KMT2A: variants seen among roughly 807,000 people sequenced by gnomAD.
KMT2A encodes lysine methyltransferase 2A.
In KMT2A, 16 loss-of-function variants were observed where a neutral mutation model predicts 345.3. That is an observed-to-expected ratio of 0.05 (90% CI 0.03 to 0.07). The LOEUF is 0.07. Among genes scored for constraint, KMT2A ranks in the 10% least tolerant of loss-of-function variants. KMT2A has a pLI of 1.00. For synonymous variants in KMT2A, 1,599 were observed against 1,778.6 expected, an observed-to-expected ratio of 0.90 and a Z score of 2.54; for missense variants, 3,272 against 4,841.6, an observed-to-expected ratio of 0.68 and a Z score of 9.62.
intron 10 of KMT2A, 25 bp from the exon 11 acceptor site, chr11:118,488,589 C>G (rs372992626): frequency 5.6e-6 from 9 of 1,611,806 alleles, no homozygotes; most frequent in Middle Eastern, 1.7e-4. Context: ...TGACATACTT[C>G]TATCTTCCCA....
At position 118,472,202 on chromosome 11, in the gene KMT2A, T is replaced by A. The variant is rs2134259789; in HGVS notation, c.1043T>A (p.Val348Asp). Residue 348 changes from valine (V) to aspartate (D), a missense_variant, in exon 3 of 36, where the codon GTC becomes GAC. Val to Asp is a radical substitution (Grantham distance 152). Around this residue, in one of 27 missense-constraint regions of KMT2A, gnomAD observed 412 missense variants for 511.0 expected, o/e 0.81. Coordinates refer to ENST00000534358, the MANE Select transcript of KMT2A (RefSeq NM_001197104.2). Reference sequence around the variant, plus strand: ...CTTACAAAAGAAGATAAGACAGTTGTCAGACAAAGCCCTCGAAGGATTAAG... The same window carrying A: ...CTTACAAAAGAAGATAAGACAGTTGACAGACAAAGCCCTCGAAGGATTAAG... ...PPLTKEDKTV[V>D]RQSPRRIKPV... is the part of the protein sequence containing the mutation. The A allele has an allele frequency of 6.2e-7, 1 of 1,613,790 alleles. No individual in the cohort carries two copies.
intron 11 of KMT2A, 90 bp downstream of exon 11, chr11:118,488,850 C>T (rs1950276835): frequency 7.9e-7 from 1 of 1,264,378 alleles, no homozygotes; most frequent in Non-Finnish European, 1.1e-6. Context: ...TTGAATGTAT[C>T]TGGGAAAAAA....
Position 118,495,817 on chromosome 11 carries a change from T to G in KMT2A, c.5481T>G (p.Ile1827Met). 6.2e-7 allele frequency: 1 copy of G among 1,614,092 alleles called. No homozygotes were observed. The highest frequency in any genetic ancestry group is 8.5e-7 in the Non-Finnish European group (1 of 1,180,018). Residue 1827 changes from isoleucine to methionine, a missense_variant, in exon 19 of 36, where the codon ATT becomes ATG. Physicochemically the swap from Ile to Met is conservative, Grantham distance 10. Transcript: ENST00000534358. This position sits in a 1 kb window ranked among gnomAD's most constrained non-coding sequence, Gnocchi z 4.1. Reference sequence around the variant, plus strand: ...AGCCTCCTTTAATGAAGAAAATCATTCCAGCTCCCAAACCCAAAGGTCCTG... The same window carrying G: ...AGCCTCCTTTAATGAAGAAAATCATGCCAGCTCCCAAACCCAAAGGTCCTG... Reference protein sequence around the residue: ...TEQPPLMKKIIPAPKPKGPGE... With the variant: ...TEQPPLMKKIMPAPKPKGPGE...
chr11:118,491,964 CT>C lies in KMT2A; in HGVS notation c.5004+38del. On this transcript the variant is annotated intron_variant, in intron 15 of 35. Transcript: ENST00000534358. This position sits in a 1 kb window ranked among gnomAD's most constrained non-coding sequence, Gnocchi z 4.2. ...TCTCATTTTTTTCTGAGAGCTTGTT[CT>C]TAGGTAGTCTTTACCTAGTGTTTTT... is the stretch of plus-strand genomic sequence containing the variant. 6.9e-7 allele frequency: 1 copy of C among 1,457,678 alleles called. No homozygotes were observed. 90.3% of individuals were successfully genotyped at this position (1,457,678 alleles called of 1,614,324 possible). A position where few individuals can be genotyped will look rare whatever the true frequency, so the allele number is the denominator to read the frequency against.
Position 118,520,644 on chromosome 11 carries a change from C to T in KMT2A, c.11430-158C>T. 1 of 615,506 alleles carries T rather than the reference C, an allele frequency of 1.6e-6. No homozygotes were observed. Among genetic ancestry groups the T allele is most frequent in the South Asian group, 2.1e-5 (1 of 48,058 alleles). The allele number at this position is 615,506 out of a possible 1,614,324, so 38.1% of individuals were successfully genotyped here. A position where few individuals can be genotyped will look rare whatever the true frequency, so the allele number is the denominator to read the frequency against. On this transcript the variant is annotated intron_variant, in intron 33 of 35. Coordinates refer to ENST00000534358, the MANE Select transcript of KMT2A (RefSeq NM_001197104.2). The surrounding 1 kb of genome is among the most constrained non-coding windows in gnomAD (Gnocchi z 4.3). ...CCAGCCTGGGCGACAGAGCGAAACT[C>T]CATCTCAAAAAAAAAAGGGGGGCGC... is the stretch of plus-strand genomic sequence containing the variant.
rs1440998808 is a variant in KMT2A, at chr11:118,495,027, T to C, written c.5363+260T>C. Among the ~76,000 whole-genome samples, 1 of 152,226 alleles carries C rather than the reference T, an allele frequency of 6.6e-6. No homozygotes were observed. The highest frequency in any genetic ancestry group is 6.5e-5 in the Admixed American group (1 of 15,272). On this transcript the variant is annotated intron_variant, in intron 18 of 35. Transcript: ENST00000534358. The surrounding 1 kb of genome is among the most constrained non-coding windows in gnomAD (Gnocchi z 4.1). ...GTACAATACATGTGTGGTACAGCCATGTAGCTGGCCTTGTTATAAATGGGT... is the reference window on the plus strand; with the variant it reads ...GTACAATACATGTGTGGTACAGCCACGTAGCTGGCCTTGTTATAAATGGGT...
chr11:118,481,110 G>A (rs1950123742), intron 6 of KMT2A, among the ~76,000 whole-genome samples: 1 of 152,058 alleles, frequency 6.6e-6, no homozygotes, highest in Admixed American at 6.5e-5. Context: ...TTATACTCTT[G>A]TAATTATTTT....
In KMT2A at chr11:118,499,342, T is replaced by C; in HGVS notation, c.6001T>C (p.Phe2001Leu). The C allele has an allele frequency of 6.2e-7, 1 of 1,613,994 alleles. No individual in the cohort carries two copies. The highest frequency in any genetic ancestry group is 1.3e-5 in the African/African-American group (1 of 75,050). ...TGGATTTGAAGTTTTCAGAAGAGTG[T>C]TTGTGGACTTTGAAGGAATCAGCTT... ...ENGFEVFRRVFVDFEGISLRR... is the reference protein window; with the variant it reads ...ENGFEVFRRVLVDFEGISLRR... The change falls in exon 23 of 36, where the codon TTT (phenylalanine) becomes CTT (leucine). Residue 2001 changes from phenylalanine to leucine, a missense_variant. By Grantham distance (22) the Phe-to-Leu change is conservative (BLOSUM62 0). Coordinates refer to ENST00000534358, the MANE Select transcript of KMT2A (RefSeq NM_001197104.2).
intron 1 of KMT2A, among the ~76,000 whole-genome samples, chr11:118,467,599 G>A (rs1555034423): frequency 6.6e-6 from 1 of 152,114 alleles, no homozygotes; most frequent in African/African-American, 2.4e-5. Context: ...CTGCTAATTT[G>A]TCCTAAAAGT....
At chr11:118,461,054 G>A (rs1949735351) in intron 1 of KMT2A, among the ~76,000 whole-genome samples, 1 of 152,104 alleles carries the variant, frequency 6.6e-6, no homozygotes, top group South Asian at 2.1e-4. Flanking sequence ...ATAATTCCTT[G>A]AAACACAGAA....
chr11:118,506,255 C>T lies in KMT2A; in HGVS notation c.10363C>T (p.Leu3455Phe), dbSNP rs2134412169. Residue 3455 changes from leucine (L) to phenylalanine (F), a missense_variant, in exon 27 of 36, where the codon CTT becomes TTT. Leu to Phe is a conservative substitution (Grantham distance 22). This residue lies in a region of KMT2A where 748 missense variants were observed against 922.2 expected (regional missense o/e 0.81). Transcript: ENST00000534358. ...TGGGGAAGCAGACGAACACTATCAG[C>T]TTCAGCATGTGAACCAGCTCCTTGC... ...PSGEADEHYQ[L>F]QHVNQLLASK... 6.2e-7 allele frequency: 1 copy of T among 1,614,200 alleles called. No individual in the cohort carries two copies. Among genetic ancestry groups the T allele is most frequent in the Non-Finnish European group, 8.5e-7 (1 of 1,180,026 alleles).
intron 12 of KMT2A, 30 bp downstream of exon 12, chr11:118,489,917 G>C: frequency 1.3e-6 from 2 of 1,574,978 alleles, no homozygotes; most frequent in Non-Finnish European, 1.7e-6. Flanking sequence ...CTCTTTTATA[G>C]AGAACCACCA....
intron 1 of KMT2A, among the ~76,000 whole-genome samples, chr11:118,438,483 C>T (rs1949245758): frequency 7.7e-6 from 1 of 129,732 alleles, no homozygotes; most frequent in East Asian, 2.2e-4. Flanking sequence ...GGAAGAGCAG[C>T]TGCTAGGGGC....
intron 1 of KMT2A, among the ~76,000 whole-genome samples, chr11:118,467,904 C>T (rs1350265785): frequency 6.6e-6 from 1 of 152,096 alleles, no homozygotes; most frequent in African/African-American, 2.4e-5. Flanking sequence ...CTGTGTCTGT[C>T]TCTGGAAAGA....
At position 118,501,028 on chromosome 11, in the gene KMT2A, G is replaced by A. The variant is rs782768278; in HGVS notation, c.6200G>A (p.Arg2067His). The part of the protein sequence containing the change: ...VYWSTTDARK[R>H]CVYTCKIVEC... ...TGGAGCACCACAGATGCTCGCAAGC[G>A]CTGTGTATATACATGCAAGATAGTG... The change falls in exon 25 of 36, where the codon CGC becomes CAC. Residue 2067 changes from arginine to histidine, a missense_variant. Physicochemically the swap from Arg to His is conservative, Grantham distance 29. This residue lies in a region of KMT2A where 235 missense variants were observed against 503.4 expected (regional missense o/e 0.47). Coordinates refer to ENST00000534358, the MANE Select transcript of KMT2A (RefSeq NM_001197104.2). 3.1e-6 allele frequency: 5 copies of A among 1,613,792 alleles called. No homozygotes were observed. The highest frequency in any genetic ancestry group is 4.2e-6 in the Non-Finnish European group (5 of 1,179,852).
chr11:118,511,229 G>A (rs1026997895), intron 30 of KMT2A, among the ~76,000 whole-genome samples: 20 of 152,102 alleles, frequency 1.3e-4, no homozygotes, highest in Admixed American at 1.2e-3. Context: ...AGAGATGTCT[G>A]GTAATAAAGC....
chr11:118,442,926 C>G (rs1949343568), intron 1 of KMT2A, among the ~76,000 whole-genome samples: 1 of 151,858 alleles, frequency 6.6e-6, no homozygotes. Flanking sequence ...AGTCCTTTAC[C>G]TGGACCCAGA....
chr11:118,475,097 C>T lies in KMT2A; in HGVS notation c.3156+782C>T, dbSNP rs373277063. On this transcript the variant is annotated intron_variant, in intron 3 of 35. Transcript: ENST00000534358. ...GCAGTGAGCTGAGATCCCGCCACTG[C>T]ACTCCAGCCTGGGCCAATAGAGTAA... is the stretch of plus-strand genomic sequence containing the variant. 1.7e-3 allele frequency among the ~76,000 whole-genome samples: 260 copies of T among 152,280 alleles called. 2 individuals carry two copies. Among genetic ancestry groups the T allele is most frequent in the African/African-American group, 6.0e-3 (250 of 41,552 alleles).
rs1950669403 is a variant in KMT2A at position 118,510,690 on chromosome 11, T to C, written c.11071+572T>C. On this transcript the variant is annotated intron_variant, in intron 30 of 35. Coordinates refer to ENST00000534358, the MANE Select transcript of KMT2A (RefSeq NM_001197104.2). This position sits in a 1 kb window ranked among gnomAD's most constrained non-coding sequence, Gnocchi z 4.1. ...GAGCTCTCCATAAGGGCTGGAATTT[T>C]ATTTTCTTATTCATCTTTGTATCGC... is the stretch of plus-strand genomic sequence containing the variant. Among the ~76,000 whole-genome samples the C allele has an allele frequency of 1.3e-5, 2 of 152,234 alleles. No individual in the cohort carries two copies. The highest frequency in any genetic ancestry group is 1.3e-4 in the Admixed American group (2 of 15,288).
Sources: gnomAD v4.1 joint callset for allele counts (sites outside exome capture counted in the v4.1 genomes callset) on GRCh38, gnomAD v4.1.1 for gene constraint, gnomAD v4.1.1 regional missense constraint, Gnocchi (gnomAD v3.1) non-coding constraint, MANE v1.5 for transcripts, NCBI Gene and HGNC (gene_info 2026-07-23, HGNC 2026-07-21) for gene names.